MMP16: variants seen among roughly 807,000 people sequenced by gnomAD.
MMP16 encodes the protein matrix metalloproteinase-16.
MMP16 carries 12 observed loss-of-function variants against 67.8 expected under a neutral mutation model. The ratio of observed to expected loss-of-function variants is 0.18; its 90% CI spans 0.11 to 0.29. The LOEUF (loss-of-function observed/expected upper bound fraction) is 0.29. Among genes scored for constraint, MMP16 ranks in the 10% least tolerant of loss-of-function variants. MMP16 has a pLI of 1.00. For synonymous variants in MMP16, 249 were observed against 255.9 expected, an observed-to-expected ratio of 0.97 and a Z score of 0.26; for missense variants, 475 against 765.7, an observed-to-expected ratio of 0.62 and a Z score of 4.48.
chr8:88,120,387 T>A (rs967173413), intron 4 of MMP16, among the ~76,000 whole-genome samples: 9 of 152,072 alleles, frequency 5.9e-5, no homozygotes, highest in African/African-American at 2.2e-4. Context: ...AAAATGAACA[T>A]CTTTGTAATT....
At chr8:88,316,606 C>T (rs1036459362) in intron 1 of MMP16, among the ~76,000 whole-genome samples, 3 of 152,156 alleles carry the variant, frequency 2.0e-5, no homozygotes, top group Admixed American at 1.3e-4. Flanking sequence ...AATATTAATG[C>T]TCACTGACAA....
At chr8:88,162,151 T>C (rs1808637801) in intron 4 of MMP16, among the ~76,000 whole-genome samples, 2 of 152,020 alleles carry the variant, frequency 1.3e-5, no homozygotes, top group African/African-American at 4.8e-5. Flanking sequence ...CCAAATTTTC[T>C]GCTACTTTCC....
At chr8:88,175,512 C>G (rs1808872900) in intron 3 of MMP16, among the ~76,000 whole-genome samples, 1 of 152,150 alleles carries the variant, frequency 6.6e-6, no homozygotes, top group Non-Finnish European at 1.5e-5. Context: ...ATACTTAGCT[C>G]TCATTTCTAA....
At chr8:88,227,639 C>G (rs2084465177) in intron 1 of MMP16, among the ~76,000 whole-genome samples, 1 of 152,012 alleles carries the variant, frequency 6.6e-6, no homozygotes, top group South Asian at 2.1e-4. Flanking sequence ...CAAGGGCCCA[C>G]TCTAGTATCC....
intron 6 of MMP16, among the ~76,000 whole-genome samples, chr8:88,104,040 T>C (rs1809192830): frequency 6.6e-6 from 1 of 151,776 alleles, no homozygotes; most frequent in South Asian, 2.1e-4. Context: ...TTTAAAAGGT[T>C]TTGCCTATTT....
At chr8:88,109,317 T>C (rs535619482) in intron 6 of MMP16, among the ~76,000 whole-genome samples, 1 of 151,408 alleles carries the variant, frequency 6.6e-6, no homozygotes, top group African/African-American at 2.4e-5. Flanking sequence ...CTTTTTCAGG[T>C]AGACTATCAC....
At chr8:88,176,267 A>G (rs1226676434) in intron 3 of MMP16, among the ~76,000 whole-genome samples, 1 of 152,218 alleles carries the variant, frequency 6.6e-6, no homozygotes, top group Admixed American at 6.5e-5. Context: ...AATTACTTGT[A>G]TGCTTAAAAC....
At chr8:88,186,881 G>GGTA (rs1211998535) in intron 2 of MMP16, among the ~76,000 whole-genome samples, 32 of 151,944 alleles carry the variant, frequency 2.1e-4, no homozygotes, top group African/African-American at 7.5e-4. Flanking sequence ...TATAGACAGA[G>GGTA]GTAGTCTAAA....
chr8:88,055,230 C>T (rs1028444049), intron 8 of MMP16, among the ~76,000 whole-genome samples: 3 of 151,952 alleles, frequency 2.0e-5, no homozygotes, highest in Non-Finnish European at 4.4e-5. Flanking sequence ...GTTTTTGAGA[C>T]AGGGTCGCAC....
rs138125474 is a variant in MMP16 at position 88,173,755 on chromosome 8, T to G, written c.405-5782A>C. On this transcript the variant is annotated intron_variant, in intron 3 of 9. Transcript: ENST00000286614. ...TCTAATTAATGGAGCTTCACAACTT[T>G]TTTCTTAAGTATGAGAAATGGTGAC... Among the ~76,000 whole-genome samples, 70 of 152,338 alleles carry G rather than the reference T, an allele frequency of 4.6e-4. 2 individuals are homozygous for G. The East Asian group carries it at 8.7e-3, about 19-fold the overall frequency.
chr8:88,103,652 T>C (rs1409629916), intron 6 of MMP16, among the ~76,000 whole-genome samples: 1 of 151,842 alleles, frequency 6.6e-6, no homozygotes, highest in Non-Finnish European at 1.5e-5. Context: ...CTGCCTTTTA[T>C]GGCTAATAAT....
chr8:88,158,106 A>G (rs1375954142), intron 4 of MMP16, among the ~76,000 whole-genome samples: 2 of 152,098 alleles, frequency 1.3e-5, no homozygotes, highest in African/African-American at 4.8e-5. Context: ...AGTCTTTGCT[A>G]TTGTGAATAG....
intron 1 of MMP16, among the ~76,000 whole-genome samples, chr8:88,301,629 A>C (rs747813253): frequency 6.6e-6 from 1 of 152,194 alleles, no homozygotes; most frequent in Non-Finnish European, 1.5e-5. Flanking sequence ...GTTTAATTGT[A>C]ACTTTACAGA....
chr8:88,298,900 A>G (rs753912135), intron 1 of MMP16, among the ~76,000 whole-genome samples: 2 of 152,158 alleles, frequency 1.3e-5, no homozygotes, highest in African/African-American at 4.8e-5. Flanking sequence ...ATTAATTTAA[A>G]ATAGCTACTG....
intron 1 of MMP16, among the ~76,000 whole-genome samples, chr8:88,265,464 G>T (rs776938862): frequency 6.6e-6 from 1 of 152,060 alleles, no homozygotes; most frequent in Non-Finnish European, 1.5e-5. Flanking sequence ...AGTTTAATGG[G>T]AGAGAATGAT....
chr8:88,069,250 T>A, intron 7 of MMP16: 1 of 323,274 alleles, frequency 3.1e-6, no homozygotes, highest in Non-Finnish European at 6.0e-6. Context: ...TAGTGTTTTG[T>A]TGTTTTCAAT....
intron 1 of MMP16, among the ~76,000 whole-genome samples, chr8:88,218,365 G>A (rs1037745659): frequency 6.6e-6 from 1 of 151,858 alleles, no homozygotes; most frequent in Non-Finnish European, 1.5e-5. Context: ...TCAATTAAAG[G>A]GGACAAACTT....
chr8:88,206,719 T>TG (rs1809432932), intron 1 of MMP16, among the ~76,000 whole-genome samples: 2 of 152,248 alleles, frequency 1.3e-5, no homozygotes, highest in African/African-American at 4.8e-5. Context: ...TTTAGAAGTC[T>TG]GGTGATGGTT....
chr8:88,183,364 T>G (rs1056016712), intron 3 of MMP16, among the ~76,000 whole-genome samples: 1 of 152,196 alleles, frequency 6.6e-6, no homozygotes, highest in African/African-American at 2.4e-5. Context: ...ATCCGCTTAA[T>G]TTTTCTGTAA....
Sources: allele counts gnomAD v4.1 joint callset (sites outside exome capture counted in the v4.1 genomes callset), GRCh38; gene constraint gnomAD v4.1.1; transcripts MANE v1.5; gene names NCBI Gene and HGNC (gene_info 2026-07-23, HGNC 2026-07-21).